RYR2: variants seen among roughly 807,000 people sequenced by gnomAD.
RYR2 encodes ryanodine receptor 2.
Under a neutral mutation model 601.1 loss-of-function variants are expected in RYR2, and 227 were observed. That is an observed-to-expected ratio of 0.38 (90% confidence interval 0.34 to 0.42). The LOEUF is 0.42. RYR2 is among the 10% of genes least tolerant of loss of function. RYR2 has a pLI of 1.00. For missense variants in RYR2, 4,646 were observed against 6,156.5 expected (o/e 0.75, Z 8.21); for synonymous variants, 2,223 against 2,175.1 (o/e 1.02, Z -0.61).
chr1:237,508,348 C>A (rs1197245189), intron 23 of RYR2, among the ~76,000 whole-genome samples: 1 of 151,474 alleles, frequency 6.6e-6, no homozygotes, highest in African/African-American at 2.4e-5. Flanking sequence ...AGAGATGCTA[C>A]AAATGTGTAA....
At position 237,280,792 on chromosome 1, in the gene RYR2, T is replaced by G. The variant is rs183848786; in HGVS notation, c.168+10176T>G. Among the ~76,000 whole-genome samples the G allele has an allele frequency of 2.3e-3, 341 of 148,048 alleles. 1 individual carries two copies. The highest frequency in any genetic ancestry group is 0.021 in the Middle Eastern group (6 of 284). On this transcript the variant is annotated intron_variant, in intron 2 of 104. Coordinates refer to ENST00000366574, the MANE Select transcript of RYR2 (RefSeq NM_001035.3). ...AATTCTTCTTACTGGTTTTTTTTTT[T>G]TTTGTTTTCTGAGATGGAGTCTCAC...
Position 237,503,490 on chromosome 1 carries a change from T to C in RYR2, c.2598T>C (p.Pro866=), listed in dbSNP as rs1214036787. 1 of 1,613,668 alleles carries C rather than the reference T, an allele frequency of 6.2e-7. No individual in the cohort carries two copies. The highest frequency in any genetic ancestry group is 8.5e-7 in the Non-Finnish European group (1 of 1,179,676). ...CGCAAGCTGCCTTCACACCCATCCC[T>C]GTGGATACCAGCCAGGTACCAAGAT... ...SLTQAAFTPI[P]VDTSQIVLPP... is the part of the protein sequence containing the mutation. The change falls in exon 22 of 105, where the codon CCT becomes CCC. Residue 866 remains proline, a synonymous_variant. Coordinates refer to ENST00000366574, the MANE Select transcript of RYR2 (RefSeq NM_001035.3).
At chr1:237,666,332 C>T (rs570561441) in intron 56 of RYR2, among the ~76,000 whole-genome samples, 180 bp from the exon 57 acceptor site, 3 of 152,314 alleles carry the variant, frequency 2.0e-5, no homozygotes, top group African/African-American at 7.2e-5. Context: ...CATTTTCAGA[C>T]ACCCAAATAT....
At chr1:237,364,210 A>G in intron 4 of RYR2, 148 bp from the exon 5 acceptor site, 1 of 611,906 alleles carries the variant, frequency 1.6e-6, no homozygotes, top group Non-Finnish European at 2.6e-6. Flanking sequence ...TTTTGTTGCG[A>G]TAACATGGTG....
At chr1:237,305,367 T>C (rs1693767929) in intron 2 of RYR2, among the ~76,000 whole-genome samples, 1 of 152,144 alleles carries the variant, frequency 6.6e-6, no homozygotes, top group Non-Finnish European at 1.5e-5. Flanking sequence ...ACCAAAAGAA[T>C]TACAGAAGAA....
intron 3 of RYR2, among the ~76,000 whole-genome samples, chr1:237,344,266 T>G (rs1321655153): frequency 6.6e-6 from 1 of 152,236 alleles, no homozygotes; most frequent in East Asian, 1.9e-4. Flanking sequence ...TTCTTGGATC[T>G]AGGTCTTTAA....
At chr1:237,155,387 A>G (rs1675211578) in intron 1 of RYR2, among the ~76,000 whole-genome samples, 1 of 152,026 alleles carries the variant, frequency 6.6e-6, no homozygotes. Context: ...AATGTTAGCC[A>G]GGATGGTCTT....
At chr1:237,744,945 C>G (rs996445039) in intron 80 of RYR2, among the ~76,000 whole-genome samples, 1 of 151,488 alleles carries the variant, frequency 6.6e-6, no homozygotes, top group Non-Finnish European at 1.5e-5. Flanking sequence ...TACAGTGGCG[C>G]GCCACCACGC....
At chr1:237,399,261 G>T (rs1357967079) in intron 10 of RYR2, among the ~76,000 whole-genome samples, 1 of 152,074 alleles carries the variant, frequency 6.6e-6, no homozygotes, top group Non-Finnish European at 1.5e-5. Flanking sequence ...CAATTATGCT[G>T]AATGGAAAAT....
chr1:237,485,903 G>A (rs1482365582), intron 17 of RYR2, among the ~76,000 whole-genome samples: 1 of 152,140 alleles, frequency 6.6e-6, no homozygotes, highest in African/African-American at 2.4e-5. Flanking sequence ...GCAAGGGAGT[G>A]ACATTGATTA....
chr1:237,259,679 G>T (rs548649814), intron 1 of RYR2, among the ~76,000 whole-genome samples: 1 of 152,232 alleles, frequency 6.6e-6, no homozygotes, highest in South Asian at 2.1e-4. Flanking sequence ...CATGTGAAAG[G>T]TACAGTTGAC....
chr1:237,412,786 C>T (rs929352562), intron 10 of RYR2, among the ~76,000 whole-genome samples: 1 of 152,170 alleles, frequency 6.6e-6, no homozygotes, highest in Non-Finnish European at 1.5e-5. Flanking sequence ...TGTGTAATTT[C>T]TTAGAGAATC....
intron 84 of RYR2, among the ~76,000 whole-genome samples, chr1:237,769,707 C>T (rs1230776422): frequency 6.6e-6 from 1 of 150,658 alleles, no homozygotes; most frequent in Non-Finnish European, 1.5e-5. Context: ...CTTTCTCAGC[C>T]GAAAGTATTT....
chr1:237,372,921 T>C (rs1700750467), intron 6 of RYR2, among the ~76,000 whole-genome samples: 1 of 152,238 alleles, frequency 6.6e-6, no homozygotes, highest in South Asian at 2.1e-4. Flanking sequence ...AAGTTCTTGC[T>C]CTCTTTAATT....
chr1:237,228,456 C>T lies in RYR2; in HGVS notation c.49-42041C>T, dbSNP rs114485145. 5.3e-3 allele frequency among the ~76,000 whole-genome samples: 812 copies of T among 152,176 alleles called. 9 individuals are homozygous for T. The highest frequency in any genetic ancestry group is 0.018 in the African/African-American group (765 of 41,518). ...AACATGCATGTGCAAGTATCTTTTTCGTATAATGCCTTCTTTTCCTCTGGG... is the reference window on the plus strand; with the variant it reads ...AACATGCATGTGCAAGTATCTTTTTTGTATAATGCCTTCTTTTCCTCTGGG... On this transcript the variant is annotated intron_variant, in intron 1 of 104. Transcript: ENST00000366574.
rs1028604640 is a variant in RYR2, at chr1:237,259,492, T to C, written c.49-11005T>C. Among the ~76,000 whole-genome samples the C allele has an allele frequency of 9.9e-5, 14 of 141,188 alleles. No homozygotes were observed. The South Asian group carries it at 1.1e-3, about 11-fold the overall frequency. The allele number at this position is 141,188 out of a possible 152,430, so 92.6% of individuals were successfully genotyped here. Reference sequence around the variant, plus strand: ...CTGCACTCCAGCCTGGGCAACAGAGTGAGACTCCAGCCTGGGCAACAGAGC... The same window carrying C: ...CTGCACTCCAGCCTGGGCAACAGAGCGAGACTCCAGCCTGGGCAACAGAGC... On this transcript the variant is annotated intron_variant, in intron 1 of 104. Transcript: ENST00000366574.
intron 25 of RYR2, among the ~76,000 whole-genome samples, chr1:237,539,693 G>A (rs902025101): frequency 1.3e-5 from 2 of 152,148 alleles, no homozygotes; most frequent in African/African-American, 2.4e-5. Context: ...CCTGTAGGGA[G>A]TGGGGCATGG....
intron 12 of RYR2, among the ~76,000 whole-genome samples, chr1:237,431,014 G>T (rs1054858148): frequency 6.6e-6 from 1 of 152,146 alleles, no homozygotes; most frequent in Non-Finnish European, 1.5e-5. Context: ...TTCTTTAACT[G>T]AGCAATTTAG....
chr1:237,455,881 T>C (rs1658751096), intron 15 of RYR2, among the ~76,000 whole-genome samples: 1 of 152,200 alleles, frequency 6.6e-6, no homozygotes, highest in African/African-American at 2.4e-5. Context: ...ATTTAATATC[T>C]GGAAGAAGTA....
Sources: allele counts gnomAD v4.1 joint callset (sites outside exome capture counted in the v4.1 genomes callset), GRCh38; gene constraint gnomAD v4.1.1; transcripts MANE v1.5; gene names NCBI Gene and HGNC (gene_info 2026-07-23, HGNC 2026-07-21).